CACNB2: variants seen among roughly 807,000 people sequenced by gnomAD.
The protein encoded by CACNB2 is calcium voltage-gated channel auxiliary subunit beta 2, also known as voltage-dependent L-type calcium channel subunit beta-2.
Under a neutral mutation model 73.3 loss-of-function variants are expected in CACNB2, and 42 were observed. The observed-to-expected ratio is 0.57, with a 90% CI of 0.45 to 0.74. CACNB2 has a LOEUF of 0.74. Among genes scored for constraint, CACNB2 ranks in the 30% least tolerant of loss-of-function variants. CACNB2 has a pLI of 0.00. For missense variants in CACNB2, 940 were observed against 853.0 expected (o/e 1.10, Z -1.27); for synonymous variants, 348 against 310.3 (o/e 1.12, Z -1.28).
At chr10:18,361,272 G>A (rs112428623) in intron 2 of CACNB2, among the ~76,000 whole-genome samples, 5,097 of 151,196 alleles carry the variant, frequency 0.034, 129 homozygotes, top group African/African-American at 0.062. Context: ...TGGAAGGATC[G>A]CTTGAGCCCA....
chr10:18,347,410 C>T (rs78613097), intron 2 of CACNB2, among the ~76,000 whole-genome samples: 2 of 140,770 alleles, frequency 1.4e-5, no homozygotes, highest in Admixed American at 7.6e-5. Context: ...AGGCTTGTCA[C>T]GAACTCCTGA....
At chr10:18,429,208 A>G (rs11014196) in intron 3 of CACNB2, among the ~76,000 whole-genome samples, 135,679 of 152,224 alleles carry the variant, frequency 0.89, 60,804 homozygotes, top group African/African-American at 0.97. Flanking sequence ...AACTTGAAAG[A>G]TGGTATTTGA....
intron 2 of CACNB2, among the ~76,000 whole-genome samples, chr10:18,288,851 C>A (rs2038923621): frequency 6.6e-6 from 1 of 152,140 alleles, no homozygotes; most frequent in African/African-American, 2.4e-5. Flanking sequence ...TCGAGACCAG[C>A]CTGGTCAACA....
At chr10:18,239,427 A>G (rs2036566605) in intron 2 of CACNB2, among the ~76,000 whole-genome samples, 1 of 152,172 alleles carries the variant, frequency 6.6e-6, no homozygotes, top group Non-Finnish European at 1.5e-5. Flanking sequence ...TTCACTTAAG[A>G]CAATGGCCTC....
intron 3 of CACNB2, among the ~76,000 whole-genome samples, chr10:18,455,567 GGT>G (rs1347863831): frequency 1.3e-5 from 2 of 152,170 alleles, no homozygotes; most frequent in Non-Finnish European, 2.9e-5. Flanking sequence ...GTATAAAGTT[GGT>G]GTAGAAAATG....
At chr10:18,400,501 C>A in intron 2 of CACNB2, 2 of 797,430 alleles carry the variant, frequency 2.5e-6, no homozygotes, top group Non-Finnish European at 3.1e-6. Context: ...TGAGCATCTG[C>A]GTAAAAAGGC....
chr10:18,535,577 C>T (rs1397526893), intron 11 of CACNB2, among the ~76,000 whole-genome samples: 1 of 152,044 alleles, frequency 6.6e-6, no homozygotes, highest in Non-Finnish European at 1.5e-5. Flanking sequence ...TCGAGACCAT[C>T]CTGGCTAACA....
intron 3 of CACNB2, among the ~76,000 whole-genome samples, chr10:18,408,812 G>A (rs1012633832): frequency 3.6e-4 from 55 of 152,070 alleles, no homozygotes; most frequent in African/African-American, 1.3e-3. Flanking sequence ...TTTTCTTCAA[G>A]GGAAGAGTAT....
chr10:18,478,620 G>A (rs926444225), intron 3 of CACNB2, among the ~76,000 whole-genome samples: 24 of 152,212 alleles, frequency 1.6e-4, no homozygotes, highest in African/African-American at 5.3e-4. Context: ...TATTTAACAT[G>A]CACACGGGGA....
chr10:18,192,344 T>C (rs1483009749), intron 2 of CACNB2, among the ~76,000 whole-genome samples: 2 of 152,132 alleles, frequency 1.3e-5, no homozygotes, highest in African/African-American at 4.8e-5. Flanking sequence ...TCATTTTATT[T>C]TTATTTTAAT....
chr10:18,439,980 TATA>T (rs2046333026), intron 3 of CACNB2, among the ~76,000 whole-genome samples: 1 of 152,222 alleles, frequency 6.6e-6, no homozygotes, highest in African/African-American at 2.4e-5. Context: ...GTTCTGCTGC[TATA>T]ATATTTTCAC....
intron 2 of CACNB2, among the ~76,000 whole-genome samples, chr10:18,323,005 C>G (rs2040452209): frequency 6.8e-6 from 1 of 147,712 alleles, no homozygotes; most frequent in African/African-American, 2.5e-5. Context: ...CTCTGTCACC[C>G]AGACTGGAGT....
At chr10:18,282,732 C>T (rs764902196) in intron 2 of CACNB2, among the ~76,000 whole-genome samples, 22 of 151,952 alleles carry the variant, frequency 1.4e-4, no homozygotes, top group Non-Finnish European at 2.2e-4. Context: ...CTGCCTTGTT[C>T]ATTCACCTAG....
At chr10:18,185,861 G>A (rs2034124671) in intron 2 of CACNB2, among the ~76,000 whole-genome samples, 1 of 152,086 alleles carries the variant, frequency 6.6e-6, no homozygotes, top group African/African-American at 2.4e-5. Flanking sequence ...AAATCATGTT[G>A]TCATGGAGAT....
At chr10:18,336,070 A>T (rs1296574287) in intron 2 of CACNB2, among the ~76,000 whole-genome samples, 1 of 152,204 alleles carries the variant, frequency 6.6e-6, no homozygotes, top group Non-Finnish European at 1.5e-5. Context: ...AGAGAGAGGA[A>T]CTATGGCTTC....
intron 2 of CACNB2, chr10:18,206,391 C>G (rs2035093941): frequency 6.6e-6 from 1 of 152,610 alleles, no homozygotes; most frequent in Non-Finnish European, 1.5e-5. Context: ...GGGGCATCCA[C>G]TGCTCGGGCT....
At chr10:18,487,572 C>T (rs1027774164) in intron 3 of CACNB2, among the ~76,000 whole-genome samples, 4 of 152,078 alleles carry the variant, frequency 2.6e-5, no homozygotes, top group Admixed American at 1.3e-4. Flanking sequence ...CGGTGGCTCA[C>T]GCCTGTTATC....
At chr10:18,349,643 G>C (rs1038703328) in intron 2 of CACNB2, among the ~76,000 whole-genome samples, 6 of 151,678 alleles carry the variant, frequency 4.0e-5, no homozygotes, top group Non-Finnish European at 8.8e-5. Context: ...ACAGAGTCTA[G>C]AATGGTGGTT....
chr10:18,349,456 G>A (rs1200694392), intron 2 of CACNB2, among the ~76,000 whole-genome samples: 1 of 152,144 alleles, frequency 6.6e-6, no homozygotes, highest in Non-Finnish European at 1.5e-5. Flanking sequence ...ATATATATTG[G>A]TTTAATTTCC....
Sources: allele counts gnomAD v4.1 joint callset (sites outside exome capture counted in the v4.1 genomes callset), GRCh38; gene constraint gnomAD v4.1.1; transcripts MANE v1.5; gene names NCBI Gene and HGNC (gene_info 2026-07-23, HGNC 2026-07-21).